The following DMGDH variants were observed in gnomAD, a reference collection of about 807,000 sequenced individuals.
DMGDH encodes dimethylglycine dehydrogenase.
DMGDH carries 76 observed loss-of-function variants against 95.2 expected under a neutral mutation model. The ratio of observed to expected loss-of-function variants is 0.80; its 90% CI spans 0.66 to 0.97. DMGDH has a LOEUF of 0.97. Among genes scored for constraint, DMGDH ranks in the 50% least tolerant of loss-of-function variants. The pLI is 0.00. For missense variants in DMGDH, 987 were observed against 1,055.0 expected (o/e 0.94, Z 0.89); for synonymous variants, 345 against 377.6 (o/e 0.91, Z 1.00).
chr5:79,011,770 T>C (rs1361781140), intron 14 of DMGDH, among the ~76,000 whole-genome samples: 1 of 152,126 alleles, frequency 6.6e-6, no homozygotes, highest in East Asian at 1.9e-4. Context: ...CACTTTTATA[T>C]GACCAGATCT....
At chr5:79,031,038 C>A in intron 9 of DMGDH, 40 bp from the exon 10 acceptor site, 1 of 1,611,330 alleles carries the variant, frequency 6.2e-7, no homozygotes, top group South Asian at 1.1e-5. Flanking sequence ...AACTCCCGTT[C>A]ATTTTTCAAA....
At chr5:79,025,564 A>G (rs1236711459) in intron 13 of DMGDH, among the ~76,000 whole-genome samples, 1 of 152,222 alleles carries the variant, frequency 6.6e-6, no homozygotes, top group Non-Finnish European at 1.5e-5. Flanking sequence ...ATAATTCTGT[A>G]GCATAAAAAA....
intron 14 of DMGDH, among the ~76,000 whole-genome samples, chr5:79,007,988 GA>G (rs1352119224): frequency 1.3e-5 from 2 of 152,010 alleles, no homozygotes; most frequent in Non-Finnish European, 2.9e-5. Context: ...TGTTTTAACA[GA>G]AAAAAAGAAC....
intron 7 of DMGDH, among the ~76,000 whole-genome samples, chr5:79,035,242 CT>C (rs1257854183): frequency 6.6e-6 from 1 of 152,102 alleles, no homozygotes; most frequent in Non-Finnish European, 1.5e-5. Context: ...AGCACATTCA[CT>C]TAACCAGGCC....
Position 79,063,771 on chromosome 5 carries a change from AG to A in DMGDH, c.117del (p.Leu40TyrfsTer14). 6.2e-7 allele frequency: 1 copy of A among 1,614,184 alleles called. No homozygotes were observed. The highest frequency in any genetic ancestry group is 8.5e-7 in the Non-Finnish European group (1 of 1,180,032). ...TCTTTCCATTGTGTTTCTGCAGATA[AG>A]GGTGGTTTTTCCTCTCTGGAAGAGG... ...VCGREGEEKPPLSAETQWKDR... is the reference protein window; with the variant it reads ...VCGREGEEKPXLSAETQWKDR... On this transcript the variant is annotated frameshift_variant, in exon 2 of 16. Coordinates refer to ENST00000255189, the MANE Select transcript of DMGDH (RefSeq NM_013391.3). LOFTEE classifies it high-confidence loss of function.
chr5:79,018,489 A>G (rs575277239), intron 14 of DMGDH, among the ~76,000 whole-genome samples: 1 of 152,110 alleles, frequency 6.6e-6, no homozygotes, highest in Admixed American at 6.6e-5. Context: ...TCTCAGACAT[A>G]AATTGTTGCC....
At chr5:79,066,529 C>T (rs545503762) in intron 1 of DMGDH, among the ~76,000 whole-genome samples, 7 of 151,404 alleles carry the variant, frequency 4.6e-5, no homozygotes, top group East Asian at 3.9e-4. Context: ...CTCCTGACCT[C>T]GTGATCCGCC....
At chr5:79,036,510 G>T (rs1257324089) in intron 7 of DMGDH, among the ~76,000 whole-genome samples, 1 of 152,152 alleles carries the variant, frequency 6.6e-6, no homozygotes, top group African/African-American at 2.4e-5. Flanking sequence ...CAATTCATAA[G>T]ACTTTTTTGG....
chr5:79,021,632 C>A (rs1216789399), intron 14 of DMGDH: 1 of 1,318,092 alleles, frequency 7.6e-7, no homozygotes, highest in Admixed American at 2.1e-5. Context: ...GGCCCATCTG[C>A]TCACCCAGCC....
chr5:79,024,324 A>G lies in DMGDH; in HGVS notation c.2197T>C (p.Cys733Arg). ...CCAGCTTCCAAAGGATTTGTATCACAGTTCATCTAAAAAGGAAACACACAT... is the reference window on the plus strand; with the variant it reads ...CCAGCTTCCAAAGGATTTGTATCACGGTTCATCTAAAAAGGAAACACACAT... The part of the protein sequence containing the change: ...AFRAWGLEMN[C>R]DTNPLEAGLE... Residue 733 changes from cysteine to arginine, a missense_variant, in exon 14 of 16, where the codon TGT becomes CGT. Transcript: ENST00000255189. 6.2e-7 allele frequency: 1 copy of G among 1,613,530 alleles called. No homozygotes were observed.
chr5:79,053,720 G>A (rs977467810), intron 4 of DMGDH, among the ~76,000 whole-genome samples: 7 of 152,152 alleles, frequency 4.6e-5, no homozygotes, highest in Admixed American at 6.5e-5. Flanking sequence ...ATCTAGATCC[G>A]TACCTAGCAC....
At chr5:79,033,066 G>A (rs1050124860) in intron 8 of DMGDH, among the ~76,000 whole-genome samples, 173 bp downstream of exon 8, 7 of 152,104 alleles carry the variant, frequency 4.6e-5, no homozygotes, top group African/African-American at 7.2e-5. Context: ...GGCATTCCAC[G>A]TGTTAAATAT....
chr5:79,007,897 T>C (rs1753579086), intron 14 of DMGDH, among the ~76,000 whole-genome samples: 1 of 152,206 alleles, frequency 6.6e-6, no homozygotes, highest in African/African-American at 2.4e-5. Flanking sequence ...AACATGATCT[T>C]GGGCCCAGTC....
intron 15 of DMGDH, among the ~76,000 whole-genome samples, chr5:78,999,485 C>A (rs1167080626): frequency 6.6e-6 from 1 of 152,118 alleles, no homozygotes; most frequent in Non-Finnish European, 1.5e-5. Flanking sequence ...CACCCACCAC[C>A]ACGCCCGGCT....
chr5:79,003,888 A>T (rs909784839), intron 15 of DMGDH, among the ~76,000 whole-genome samples: 5 of 152,168 alleles, frequency 3.3e-5, no homozygotes, highest in African/African-American at 1.2e-4. Flanking sequence ...CGGAGGTTGC[A>T]GTGAGCTGAG....
intron 7 of DMGDH, among the ~76,000 whole-genome samples, chr5:79,035,566 A>C (rs1224471080): frequency 2.0e-5 from 3 of 152,170 alleles, no homozygotes; most frequent in African/African-American, 7.2e-5. Flanking sequence ...TGTTCAGCCA[A>C]GACACACATA....
chr5:79,009,363 TTC>T (rs1491073918), intron 14 of DMGDH, among the ~76,000 whole-genome samples: 11 of 80,396 alleles, frequency 1.4e-4, no homozygotes, highest in South Asian at 4.1e-4. Context: ...TTCTTTTCTT[TTC>T]TTTTTTTTTT....
chr5:79,048,099 G>A (rs943086035), intron 5 of DMGDH, among the ~76,000 whole-genome samples: 25 of 152,050 alleles, frequency 1.6e-4, no homozygotes, highest in African/African-American at 4.6e-4. Context: ...CCCAGACTAC[G>A]GCATGGAATA....
chr5:79,010,593 T>C (rs1021209259), intron 14 of DMGDH, among the ~76,000 whole-genome samples: 4 of 152,196 alleles, frequency 2.6e-5, no homozygotes, highest in African/African-American at 2.4e-5. Context: ...CCAGGTAGAA[T>C]TGAGTCATAT....
Sources: gnomAD v4.1 joint callset for allele counts (sites outside exome capture counted in the v4.1 genomes callset) on GRCh38, gnomAD v4.1.1 for gene constraint, MANE v1.5 for transcripts, NCBI Gene and HGNC (gene_info 2026-07-23, HGNC 2026-07-21) for gene names.